ADGRB3: variants seen among roughly 807,000 people sequenced by gnomAD.
The protein encoded by ADGRB3 is brain-specific angiogenesis inhibitor 3.
In ADGRB3, 37 loss-of-function variants were observed where a neutral mutation model predicts 193.4. The ratio of observed to expected loss-of-function variants is 0.19; its 90% CI spans 0.15 to 0.25. ADGRB3 has a LOEUF of 0.25. ADGRB3 is among the 10% of genes least tolerant of loss of function. The pLI, the probability that ADGRB3 is intolerant of heterozygous loss-of-function variation, is 1.00. For synonymous variants in ADGRB3, 690 were observed against 644.2 expected, an observed-to-expected ratio of 1.07 and a Z score of -1.08; for missense variants, 1,637 against 1,852.9, an observed-to-expected ratio of 0.88 and a Z score of 2.14.
At chr6:68,880,438 A>G (rs1005416240) in intron 3 of ADGRB3, among the ~76,000 whole-genome samples, 1 of 152,228 alleles carries the variant, frequency 6.6e-6, no homozygotes, top group Non-Finnish European at 1.5e-5. Context: ...TCTTAGACTG[A>G]CAAAACTTCT....
At position 68,936,818 on chromosome 6, in the gene ADGRB3, T is replaced by C. The variant is rs143326324; in HGVS notation, c.1030+138T>C. 1,770 of 988,638 alleles carry C rather than the reference T, an allele frequency of 1.8e-3. 33 individuals are homozygous for C. The East Asian group carries it at 0.042, about 23-fold the overall frequency. 61.2% of individuals were successfully genotyped at this position (988,638 alleles called of 1,614,324 possible). A position where few individuals can be genotyped will look rare whatever the true frequency, so the allele number is the denominator to read the frequency against. On this transcript the variant is annotated intron_variant, in intron 5 of 31. Transcript: ENST00000370598. ...GATAAGTGTAATTATTATTCAACTG[T>C]AATATTTTAAGATGTCTGTGATTAT...
intron 26 of ADGRB3, among the ~76,000 whole-genome samples, chr6:69,345,597 A>G (rs966375608): frequency 6.6e-6 from 1 of 152,194 alleles, no homozygotes; most frequent in Admixed American, 6.6e-5. Context: ...TACTGATGGA[A>G]CGTAGCTCAA....
At chr6:69,040,709 A>AAAAAAAAAAAG (rs1771039002) in intron 13 of ADGRB3, among the ~76,000 whole-genome samples, 1 of 57,254 alleles carries the variant, frequency 1.7e-5, no homozygotes, top group Non-Finnish European at 3.7e-5. Flanking sequence ...AAAAAAAAAA[A>AAAAAAAAAAAG]CAAACAAGAA....
chr6:68,913,238 T>C (rs1766773013), intron 3 of ADGRB3, among the ~76,000 whole-genome samples: 1 of 152,146 alleles, frequency 6.6e-6, no homozygotes, highest in African/African-American at 2.4e-5. Flanking sequence ...GCAGACTGCC[T>C]CCTCAAGTGG....
At chr6:69,031,519 C>CTCTTTCTTTCTTTTCTTTCTTTCTT (rs1554248690) in intron 13 of ADGRB3, among the ~76,000 whole-genome samples, 1 of 21,270 alleles carries the variant, frequency 4.7e-5, no homozygotes, top group South Asian at 2.6e-3. Flanking sequence ...TTTGAGTTGT[C>CTCTTTCTTTCTTTTCTTTCTTTCTT]TCTTTCTTTC....
chr6:68,692,078 C>T (rs1765086081), intron 3 of ADGRB3, among the ~76,000 whole-genome samples: 2 of 151,826 alleles, frequency 1.3e-5, no homozygotes, highest in Non-Finnish European at 1.5e-5. Flanking sequence ...CTGCAAAAAC[C>T]ATTATGGATC....
chr6:68,723,048 T>C (rs1765611790), intron 3 of ADGRB3, among the ~76,000 whole-genome samples: 1 of 151,786 alleles, frequency 6.6e-6, no homozygotes, highest in Non-Finnish European at 1.5e-5. Context: ...TATATTCATA[T>C]CACAATGTTT....
At chr6:69,178,982 T>C (rs2150350659) in intron 17 of ADGRB3, among the ~76,000 whole-genome samples, 1 of 152,312 alleles carries the variant, frequency 6.6e-6, no homozygotes, top group East Asian at 1.9e-4. Flanking sequence ...CGTAACTGGA[T>C]GTCTACCTCT....
At chr6:68,785,952 C>T (rs1022214805) in intron 3 of ADGRB3, among the ~76,000 whole-genome samples, 1 of 152,046 alleles carries the variant, frequency 6.6e-6, no homozygotes. Flanking sequence ...GCATAAATGT[C>T]TTCTTTTGAG....
At chr6:69,100,896 A>AGGAGAGAG (rs1773025571) in intron 17 of ADGRB3, among the ~76,000 whole-genome samples, 8 of 113,750 alleles carry the variant, frequency 7.0e-5, no homozygotes, top group Admixed American at 9.2e-5. Flanking sequence ...GAAGGAAGGA[A>AGGAGAGAG]GGAAGAAGCG....
chr6:68,775,463 C>T (rs1385168599), intron 3 of ADGRB3, among the ~76,000 whole-genome samples: 1 of 152,110 alleles, frequency 6.6e-6, no homozygotes, highest in East Asian at 1.9e-4. Flanking sequence ...GTCAATTTCT[C>T]TGTGCAAGAC....
chr6:69,286,855 A>G (rs1767563340), intron 20 of ADGRB3, among the ~76,000 whole-genome samples: 1 of 152,220 alleles, frequency 6.6e-6, no homozygotes, highest in African/African-American at 2.4e-5. Context: ...AAATTACTAT[A>G]TAATTCCACT....
chr6:69,287,543 T>C (rs1200309170), intron 20 of ADGRB3, among the ~76,000 whole-genome samples: 1 of 152,190 alleles, frequency 6.6e-6, no homozygotes, highest in African/African-American at 2.4e-5. Context: ...TCACAAATAT[T>C]GATTTATTAA....
intron 20 of ADGRB3, among the ~76,000 whole-genome samples, chr6:69,318,964 G>T (rs1768379462): frequency 6.6e-6 from 1 of 150,626 alleles, no homozygotes; most frequent in Non-Finnish European, 1.5e-5. Context: ...AGGTTTCGCT[G>T]CTTTATTGGT....
chr6:69,001,559 G>A (rs1219865180), intron 11 of ADGRB3, among the ~76,000 whole-genome samples: 1 of 152,142 alleles, frequency 6.6e-6, no homozygotes, highest in African/African-American at 2.4e-5. Flanking sequence ...ACCTAGATAT[G>A]AGAAAAGAAG....
At position 69,001,466 on chromosome 6, in the gene ADGRB3, GA is replaced by G. The variant is rs1372960508; in HGVS notation, c.1929+7508del. 2.0e-5 allele frequency among the ~76,000 whole-genome samples: 3 copies of G among 152,164 alleles called. 1 individual carries two copies. Among genetic ancestry groups the G allele is most frequent in the Admixed American group, 2.0e-4 (3 of 15,268 alleles). On this transcript the variant is annotated intron_variant, in intron 11 of 31. Transcript: ENST00000370598. ...AAGATTATTTTTAGAAAGATGGTCTGAAAAGGTAAATAACATGGATTGGTGA... is the reference window on the plus strand; with the variant it reads ...AAGATTATTTTTAGAAAGATGGTCTGAAAGGTAAATAACATGGATTGGTGA...
chr6:69,232,078 A>T (rs1185467262), intron 17 of ADGRB3, among the ~76,000 whole-genome samples: 1 of 152,214 alleles, frequency 6.6e-6, no homozygotes, highest in African/African-American at 2.4e-5. Flanking sequence ...ACATCAAGCC[A>T]TGTGTTTTTC....
At chr6:68,961,970 G>A (rs1428519189) in intron 8 of ADGRB3, among the ~76,000 whole-genome samples, 1 of 152,192 alleles carries the variant, frequency 6.6e-6, no homozygotes, top group East Asian at 1.9e-4. Context: ...TTCTTCAAAA[G>A]GTTAAAGCAA....
rs116778728 is a variant in ADGRB3 at position 68,730,076 on chromosome 6, A to G, written c.757+90644A>G. Among the ~76,000 whole-genome samples, 730 of 151,806 alleles carry G rather than the reference A, an allele frequency of 4.8e-3. 4 individuals carry two copies. Among genetic ancestry groups the G allele is most frequent in the African/African-American group, 0.017 (694 of 41,496 alleles). On this transcript the variant is annotated intron_variant, in intron 3 of 31. Transcript: ENST00000370598. ...ATTAAATAGAAAAATGTTGGAAAAT[A>G]GGATAAAGGTCTTACTCATTTTTAT...
Sources: gnomAD v4.1 joint callset for allele counts (sites outside exome capture counted in the v4.1 genomes callset) on GRCh38, gnomAD v4.1.1 for gene constraint, MANE v1.5 for transcripts, NCBI Gene and HGNC (gene_info 2026-07-23, HGNC 2026-07-21) for gene names.